The following ST7 variants were observed in gnomAD, a reference collection of about 807,000 sequenced individuals.
ST7 encodes the protein suppression of tumorigenicity 7, also known as suppressor of tumorigenicity 7 protein.
In ST7, 28 loss-of-function variants were observed where a neutral mutation model predicts 78.7. That is an observed-to-expected ratio of 0.36 (90% confidence interval 0.26 to 0.49). The LOEUF is 0.49. Among genes scored for constraint, ST7 ranks in the 20% least tolerant of loss-of-function variants. The pLI is 0.99. For missense variants in ST7, 418 were observed against 696.0 expected, an observed-to-expected ratio of 0.60 and a Z score of 4.49; for synonymous variants, 247 against 249.6, an observed-to-expected ratio of 0.99 and a Z score of 0.10.
At chr7:117,068,444 T>C (rs775859058) in intron 1 of ST7, among the ~76,000 whole-genome samples, 10 of 152,250 alleles carry the variant, frequency 6.6e-5, no homozygotes, top group Non-Finnish European at 1.0e-4. Flanking sequence ...TACGTTTTTC[T>C]ACTTTACCAC....
At chr7:117,018,787 G>A (rs1795739067) in intron 1 of ST7, among the ~76,000 whole-genome samples, 1 of 152,172 alleles carries the variant, frequency 6.6e-6, no homozygotes. Context: ...ATAGTGCCTG[G>A]CACATAGTAA....
At chr7:117,197,059 G>C (rs1034385225) in intron 12 of ST7, among the ~76,000 whole-genome samples, 1 of 152,104 alleles carries the variant, frequency 6.6e-6, no homozygotes, top group African/African-American at 2.4e-5. Flanking sequence ...ACCCAAGGCA[G>C]GGTTGTACTC....
chr7:117,105,461 T>C (rs1801882313), intron 2 of ST7, among the ~76,000 whole-genome samples: 2 of 152,148 alleles, frequency 1.3e-5, no homozygotes, highest in Non-Finnish European at 2.9e-5. Flanking sequence ...TTAAAATTGT[T>C]TGTAGAGATG....
intron 1 of ST7, among the ~76,000 whole-genome samples, chr7:117,054,909 A>G (rs1229217615): frequency 1.3e-5 from 2 of 152,208 alleles, no homozygotes; most frequent in Non-Finnish European, 2.9e-5. Flanking sequence ...TGAATTAGGA[A>G]TATTAGGCAT....
At chr7:117,116,411 G>A (rs576826789) in intron 2 of ST7, among the ~76,000 whole-genome samples, 75 of 152,142 alleles carry the variant, frequency 4.9e-4, no homozygotes, top group Non-Finnish European at 1.0e-3. Flanking sequence ...CCAAATATGT[G>A]CGCATTAAAT....
chr7:116,964,223 A>T (rs1792985240), intron 1 of ST7, among the ~76,000 whole-genome samples: 1 of 152,182 alleles, frequency 6.6e-6, no homozygotes, highest in Non-Finnish European at 1.5e-5. Flanking sequence ...CTAAAGTATT[A>T]TTTTATTAGT....
intron 1 of ST7, among the ~76,000 whole-genome samples, chr7:117,026,733 G>A (rs1796201198): frequency 6.6e-6 from 1 of 152,198 alleles, no homozygotes; most frequent in Non-Finnish European, 1.5e-5. Flanking sequence ...AACTCTCTGT[G>A]TTAGGGGAAC....
At chr7:117,016,041 C>T (rs1354805941) in intron 1 of ST7, among the ~76,000 whole-genome samples, 1 of 152,052 alleles carries the variant, frequency 6.6e-6, no homozygotes, top group African/African-American at 2.4e-5. Flanking sequence ...TAAAATATAG[C>T]TTTTAGGAGC....
intron 10 of ST7, among the ~76,000 whole-genome samples, chr7:117,180,838 A>C (rs1169154784): frequency 6.6e-6 from 1 of 152,076 alleles, no homozygotes; most frequent in Non-Finnish European, 1.5e-5. Flanking sequence ...TTTTGTAGAG[A>C]TGAGGTCTCA....
chr7:117,083,333 C>T (rs958225206), intron 1 of ST7, among the ~76,000 whole-genome samples: 3 of 152,176 alleles, frequency 2.0e-5, no homozygotes, highest in African/African-American at 7.2e-5. Context: ...ACAATCTTGG[C>T]TCACTGCAAC....
At chr7:117,217,065 C>T (rs1223302841) in intron 13 of ST7, among the ~76,000 whole-genome samples, 1 of 152,080 alleles carries the variant, frequency 6.6e-6, no homozygotes, top group Non-Finnish European at 1.5e-5. Context: ...ACCAACCAAC[C>T]ATTAGATTTC....
intron 15 of ST7, 48 bp downstream of exon 15, chr7:117,222,110 C>T: frequency 6.4e-7 from 1 of 1,565,770 alleles, no homozygotes; most frequent in South Asian, 1.2e-5. Context: ...TGGGGAAAGC[C>T]AAGGGCATAA....
intron 12 of ST7, chr7:117,199,261 T>C (rs1810596554): frequency 6.6e-6 from 1 of 152,276 alleles, no homozygotes; most frequent in Admixed American, 6.5e-5. Flanking sequence ...AATCACCAGA[T>C]GCTTTTTTCA....
At chr7:117,174,232 A>G (rs888497365) in intron 10 of ST7, among the ~76,000 whole-genome samples, 2 of 152,200 alleles carry the variant, frequency 1.3e-5, no homozygotes, top group African/African-American at 4.8e-5. Flanking sequence ...TTGTGATTCA[A>G]CATTATAGGT....
intron 1 of ST7, among the ~76,000 whole-genome samples, chr7:117,094,803 G>GT (rs561228510): frequency 3.0e-4 from 46 of 151,986 alleles, no homozygotes; most frequent in East Asian, 2.3e-3. Flanking sequence ...CCCTTCCATT[G>GT]TTTTTTTGTT....
chr7:117,052,277 CT>C (rs1797826398), intron 1 of ST7, among the ~76,000 whole-genome samples: 1 of 152,198 alleles, frequency 6.6e-6, no homozygotes, highest in Non-Finnish European at 1.5e-5. Context: ...GAAAGATTAT[CT>C]TTCCTCCAGG....
chr7:117,017,059 TCTTC>T lies in ST7; in HGVS notation c.151+63374_151+63377del, dbSNP rs1324969374. Among the ~76,000 whole-genome samples, 5 of 152,278 alleles carry T rather than the reference TCTTC, an allele frequency of 3.3e-5. No individual in the cohort carries two copies. The East Asian group carries it at 9.6e-4, about 29-fold the overall frequency. On this transcript the variant is annotated intron_variant, in intron 1 of 15. Transcript: ENST00000323984. ...CTATTAAGGCCTTTGCATGAAACAC[TCTTC>T]CTTCCACGTGGTTTTCAGGCTAACC...
chr7:117,120,563 T>G (rs992349720), intron 3 of ST7, among the ~76,000 whole-genome samples: 21 of 152,312 alleles, frequency 1.4e-4, no homozygotes, highest in Admixed American at 1.4e-3. Context: ...TTTTATTTCT[T>G]GAACATGCCA....
Position 117,099,072 on chromosome 7 carries a change from A to G in ST7, c.152-690A>G, listed in dbSNP as rs530575835. On this transcript the variant is annotated intron_variant, in intron 1 of 15. Transcript: ENST00000323984. ...AAAAAAAAAAAAAAAAAAACAAAAA[A>G]AAAAGAAGAAGAAGAAGGTGCTTGG... Among the ~76,000 whole-genome samples, 895 of 149,462 alleles carry G rather than the reference A, an allele frequency of 6.0e-3. 11 individuals carry two copies. The highest frequency in any genetic ancestry group is 0.011 in the Admixed American group (166 of 14,970).
Sources: gnomAD v4.1 joint callset for allele counts (sites outside exome capture counted in the v4.1 genomes callset) on GRCh38, gnomAD v4.1.1 for gene constraint, MANE v1.5 for transcripts, NCBI Gene and HGNC (gene_info 2026-07-23, HGNC 2026-07-21) for gene names.